Variants in SAMD13 observed in about 807,000 individuals in gnomAD.
The protein encoded by SAMD13 is sterile alpha motif domain-containing protein 13.
Under a neutral mutation model 12.4 loss-of-function variants are expected in SAMD13, and 9 were observed. The observed-to-expected ratio is 0.72, with a 90% CI of 0.44 to 1.26. The LOEUF (loss-of-function observed/expected upper bound fraction) is 1.26. Among genes scored for constraint, SAMD13 ranks in the 50% most tolerant of loss-of-function variants. SAMD13 has a pLI of 0.00. For missense variants in SAMD13, 84 were observed against 119.6 expected, an observed-to-expected ratio of 0.70 and a Z score of 1.39; for synonymous variants, 46 against 45.4, an observed-to-expected ratio of 1.01 and a Z score of -0.05.
At chr1:84,322,752 T>G (rs960147143) in intron 2 of SAMD13, among the ~76,000 whole-genome samples, 3 of 152,162 alleles carry the variant, frequency 2.0e-5, no homozygotes, top group Admixed American at 2.0e-4. Context: ...ACCCTCCATA[T>G]GAAAGAGTGC....
chr1:84,313,042 A>G (rs1000200802), intron 2 of SAMD13, among the ~76,000 whole-genome samples: 14 of 152,126 alleles, frequency 9.2e-5, no homozygotes, highest in African/African-American at 3.4e-4. Context: ...ATGAGTATTT[A>G]TTTCATTATT....
intron 3 of SAMD13, among the ~76,000 whole-genome samples, chr1:84,341,711 T>G (rs982904792): frequency 6.6e-6 from 1 of 151,700 alleles, no homozygotes; most frequent in Non-Finnish European, 1.5e-5. Context: ...GAAAGTGGAG[T>G]TGACATAAAA....
chr1:84,328,631 A>G (rs1438863605), intron 3 of SAMD13, among the ~76,000 whole-genome samples: 2 of 152,174 alleles, frequency 1.3e-5, no homozygotes, highest in African/African-American at 2.4e-5. Context: ...ATCCTCTACC[A>G]TGTTAACCTG....
rs547748942 is a variant in SAMD13, at chr1:84,307,791, C to CT, written c.53+4510dup. Among the ~76,000 whole-genome samples, 96 of 152,076 alleles carry CT rather than the reference C, an allele frequency of 6.3e-4. 1 individual carries two copies. Among genetic ancestry groups the CT allele is most frequent in the Non-Finnish European group, 2.6e-4 (18 of 68,006 alleles). On this transcript the variant is annotated intron_variant, in intron 2 of 3. Coordinates refer to ENST00000394834, the MANE Select transcript of SAMD13 (RefSeq NM_001134663.2). The stretch of plus-strand genomic sequence containing the variant: ...TTTCCCCTTTTACTGTGATAAGACC[C>CT]TTTTTTATATTTTAAGACCCTTTTT...
chr1:84,314,495 T>C (rs540797676), intron 2 of SAMD13, among the ~76,000 whole-genome samples: 8 of 152,222 alleles, frequency 5.3e-5, no homozygotes, highest in Admixed American at 2.0e-4. Context: ...TTGAAAACAA[T>C]GAGGGGATTT....
intron 2 of SAMD13, among the ~76,000 whole-genome samples, chr1:84,323,267 G>T (rs1678982963): frequency 6.6e-6 from 1 of 152,088 alleles, no homozygotes; most frequent in South Asian, 2.1e-4. Flanking sequence ...TGCTTATGTT[G>T]CTAGTGTATG....
At chr1:84,330,434 TTTTAC>T (rs1317276285) in intron 3 of SAMD13, among the ~76,000 whole-genome samples, 1 of 152,132 alleles carries the variant, frequency 6.6e-6, no homozygotes, top group Admixed American at 6.6e-5. Context: ...ACCTCAAGAA[TTTTAC>T]TTTGCTAAGA....
chr1:84,303,111 G>C, intron 1 of SAMD13, 92 bp from the exon 2 acceptor site: 1 of 946,278 alleles, frequency 1.1e-6, no homozygotes, highest in Non-Finnish European at 1.7e-6. Flanking sequence ...GTGTGAAGCT[G>C]TAAAAGGGAC....
chr1:84,324,940 A>G (rs1393660410), intron 2 of SAMD13, among the ~76,000 whole-genome samples: 1 of 152,170 alleles, frequency 6.6e-6, no homozygotes, highest in Non-Finnish European at 1.5e-5. Context: ...ACTTGATACT[A>G]GGAATAATAA....
intron 2 of SAMD13, among the ~76,000 whole-genome samples, chr1:84,313,985 T>G (rs1277923688): frequency 2.6e-5 from 4 of 152,164 alleles, no homozygotes; most frequent in Non-Finnish European, 5.9e-5. Flanking sequence ...ATGTATTATG[T>G]TAAAGAAATT....
intron 3 of SAMD13, among the ~76,000 whole-genome samples, chr1:84,327,064 T>A (rs1266299491): frequency 6.6e-6 from 1 of 152,174 alleles, no homozygotes; most frequent in Non-Finnish European, 1.5e-5. Flanking sequence ...ATCTACCCCT[T>A]GATGCAGCAG....
intron 3 of SAMD13, chr1:84,345,083 C>T: frequency 2.2e-6 from 1 of 456,646 alleles, no homozygotes; most frequent in South Asian, 1.5e-5. Flanking sequence ...CTCTGGGCTC[C>T]AGAGCAAGTA....
At chr1:84,298,762 C>T (rs1199227317), upstream of SAMD13, among the ~76,000 whole-genome samples, 1 of 152,130 alleles carries the variant, frequency 6.6e-6, no homozygotes, top group Non-Finnish European at 1.5e-5. Flanking sequence ...GGAGTGGGGG[C>T]AGAAGCGTGC....
rs536353368 is a variant in SAMD13, at chr1:84,312,888, T to C, written c.53+9601T>C. 2.6e-5 allele frequency among the ~76,000 whole-genome samples: 4 copies of C among 152,288 alleles called. No individual in the cohort carries two copies. In the East Asian group the frequency reaches 7.7e-4, roughly 29 times the overall value. ...ACAGTTATGTACCCAAAATAAATTC[T>C]TGCATCAGGGGAAATGTTATATGAA... On this transcript the variant is annotated intron_variant, in intron 2 of 3. Transcript: ENST00000394834.
chr1:84,316,931 C>T (rs1050485475), intron 2 of SAMD13, among the ~76,000 whole-genome samples: 1 of 151,958 alleles, frequency 6.6e-6, no homozygotes, highest in African/African-American at 2.4e-5. Flanking sequence ...CTTTCACTTC[C>T]TTAGTTAAGA....
chr1:84,328,673 A>G (rs574452908), intron 3 of SAMD13, among the ~76,000 whole-genome samples: 2 of 152,286 alleles, frequency 1.3e-5, no homozygotes, highest in African/African-American at 4.8e-5. Context: ...AGAGGGCATC[A>G]GCATTTTACC....
At chr1:84,310,348 C>A (rs1453730456) in intron 2 of SAMD13, among the ~76,000 whole-genome samples, 38 of 151,356 alleles carry the variant, frequency 2.5e-4, no homozygotes, top group Admixed American at 2.4e-3. Flanking sequence ...CTACTACTAA[C>A]AATAGCTGAT....
intron 2 of SAMD13, among the ~76,000 whole-genome samples, chr1:84,312,896 G>A (rs992615732): frequency 2.6e-5 from 4 of 152,110 alleles, no homozygotes; most frequent in Admixed American, 6.6e-5. Flanking sequence ...TCTTGCATCA[G>A]GGGAAATGTT....
rs538747788 is a variant in SAMD13 at position 84,314,331 on chromosome 1, G to A, written c.53+11044G>A. Reference sequence around the variant, plus strand: ...AGGGTACTTGATTGTTTGCCTGGAAGCCTGGTCTGGCTTCTCATGAAAAAA... The same window carrying A: ...AGGGTACTTGATTGTTTGCCTGGAAACCTGGTCTGGCTTCTCATGAAAAAA... On this transcript the variant is annotated intron_variant, in intron 2 of 3. Coordinates refer to ENST00000394834, the MANE Select transcript of SAMD13 (RefSeq NM_001134663.2). 2.6e-5 allele frequency among the ~76,000 whole-genome samples: 4 copies of A among 152,222 alleles called. No homozygotes were observed. The South Asian group carries it at 8.3e-4, about 32-fold the overall frequency.
Sources: gnomAD v4.1 joint callset for allele counts (sites outside exome capture counted in the v4.1 genomes callset) on GRCh38, gnomAD v4.1.1 for gene constraint, MANE v1.5 for transcripts, NCBI Gene and HGNC (gene_info 2026-07-23, HGNC 2026-07-21) for gene names.